Variants in EZH2 observed in about 807,000 individuals in gnomAD.
EZH2 encodes the protein histone-lysine N-methyltransferase EZH2.
Under a neutral mutation model 98.4 loss-of-function variants are expected in EZH2, and 18 were observed. That is an observed-to-expected ratio of 0.18 (90% CI 0.13 to 0.27). The LOEUF (loss-of-function observed/expected upper bound fraction) is 0.27. Ranked by LOEUF, EZH2 falls within the 10% of genes least tolerant of loss-of-function variation. The probability of loss-of-function intolerance (pLI) is 1.00; values close to 1 mark genes in which losing one functional copy is unlikely to be tolerated. For synonymous variants in EZH2, 338 were observed against 312.3 expected (o/e 1.08, Z -0.87); for missense variants, 470 against 935.1 (o/e 0.50, Z 6.49).
At chr7:148,853,482 G>A (rs1816233547) in intron 1 of EZH2, among the ~76,000 whole-genome samples, 2 of 152,226 alleles carry the variant, frequency 1.3e-5, no homozygotes, top group South Asian at 4.1e-4. Flanking sequence ...CTTACAATAG[G>A]GTTCACGCTT....
At chr7:148,877,717 G>A (rs185387991) in intron 1 of EZH2, among the ~76,000 whole-genome samples, 1 of 152,222 alleles carries the variant, frequency 6.6e-6, no homozygotes. Context: ...TTACCACTCT[G>A]GCTGAGAAAG....
At chr7:148,865,083 C>T (rs1292652789) in intron 1 of EZH2, among the ~76,000 whole-genome samples, 1 of 149,750 alleles carries the variant, frequency 6.7e-6, no homozygotes, top group East Asian at 2.0e-4. Flanking sequence ...GCTGAGATCG[C>T]GCCACTGCTC....
intron 3 of EZH2, among the ~76,000 whole-genome samples, chr7:148,844,147 A>G (rs1813334555): frequency 6.6e-6 from 1 of 152,222 alleles, no homozygotes; most frequent in Admixed American, 6.5e-5. Flanking sequence ...AACAAGAATC[A>G]CTTTTATTTT....
chr7:148,839,068 G>GGA (rs1251538510), intron 3 of EZH2, among the ~76,000 whole-genome samples: 27 of 130,620 alleles, frequency 2.1e-4, no homozygotes, highest in African/African-American at 8.5e-4. Flanking sequence ...AAGGAAGGAA[G>GGA]GAAGGAAGGA....
chr7:148,816,649 G>T, intron 12 of EZH2, 35 bp downstream of exon 12: 3 of 1,528,266 alleles, frequency 2.0e-6, no homozygotes, highest in Non-Finnish European at 1.8e-6. Context: ...GTCTATCTAT[G>T]TTGACTTCTC....
chr7:148,827,497 A>C (rs1585010878), intron 6 of EZH2, among the ~76,000 whole-genome samples: 4 of 152,160 alleles, frequency 2.6e-5, no homozygotes, highest in African/African-American at 4.8e-5. Flanking sequence ...GGAAGCAGAA[A>C]ACCTAGGTTC....
intron 1 of EZH2, among the ~76,000 whole-genome samples, chr7:148,858,031 G>A (rs1265100926): frequency 2.0e-5 from 3 of 149,698 alleles, no homozygotes; most frequent in African/African-American, 4.9e-5. Context: ...AGTGGCTCAC[G>A]CCTATAATCC....
chr7:148,873,477 G>A (rs1819709520), intron 1 of EZH2, among the ~76,000 whole-genome samples: 1 of 124,732 alleles, frequency 8.0e-6, no homozygotes, highest in Non-Finnish European at 1.6e-5. Context: ...GGGTGACAGA[G>A]TGAGACTCTG....
intron 8 of EZH2, 103 bp from the exon 9 acceptor site, chr7:148,819,790 C>T (rs1390181479): frequency 1.1e-5 from 11 of 1,002,612 alleles, no homozygotes; most frequent in Non-Finnish European, 1.5e-5. Flanking sequence ...TATAATCTTG[C>T]TAATATGTGG....
At chr7:148,872,924 A>C (rs1173658203) in intron 1 of EZH2, among the ~76,000 whole-genome samples, 2 of 152,094 alleles carry the variant, frequency 1.3e-5, no homozygotes, top group African/African-American at 4.8e-5. Flanking sequence ...GATAAAGATC[A>C]CTGGGATCTG....
At chr7:148,826,002 T>TC (rs763835181) in intron 8 of EZH2, among the ~76,000 whole-genome samples, 6 of 152,252 alleles carry the variant, frequency 3.9e-5, no homozygotes, top group Non-Finnish European at 8.8e-5. Context: ...GCAGGTATTT[T>TC]TAAAAAACAA....
chr7:148,838,531 C>G (rs1317376152), intron 3 of EZH2, among the ~76,000 whole-genome samples: 8 of 152,058 alleles, frequency 5.3e-5, no homozygotes, highest in Non-Finnish European at 1.0e-4. Context: ...AAGCAGGTAA[C>G]AAGAGTGATG....
In EZH2 at chr7:148,817,896, A is replaced by ATCTTTCTTCTCT; in HGVS notation, c.1209_1220dup (p.Glu403_Lys406dup). The ATCTTTCTTCTCT allele has an allele frequency of 6.2e-7, 1 of 1,614,198 alleles. No individual in the cohort carries two copies. The highest frequency in any genetic ancestry group is 1.1e-5 in the South Asian group (1 of 91,080). ...TCTTACCAGAGGAGCTCGAAGTTTC[A>ATCTTTCTTCTCT]TCTTTCTTCTCTTCTTCTTCTTTAT... is the stretch of plus-strand genomic sequence containing the variant. On this transcript the variant is annotated inframe_insertion, in exon 10 of 20. Coordinates refer to ENST00000320356, the MANE Select transcript of EZH2 (RefSeq NM_004456.5).
chr7:148,872,758 T>C (rs1331459133), intron 1 of EZH2, among the ~76,000 whole-genome samples: 1 of 152,224 alleles, frequency 6.6e-6, no homozygotes, highest in Non-Finnish European at 1.5e-5. Context: ...TGTTAAAGCA[T>C]TTCTCCGGTC....
intron 1 of EZH2, among the ~76,000 whole-genome samples, chr7:148,851,043 G>A (rs1197291501): frequency 6.6e-6 from 1 of 152,026 alleles, no homozygotes; most frequent in Non-Finnish European, 1.5e-5. Context: ...TTGGGGGTGG[G>A]GCGGCTATAG....
intron 1 of EZH2, among the ~76,000 whole-genome samples, chr7:148,866,665 C>CAT (rs1422592035): frequency 1.4e-5 from 2 of 144,656 alleles, no homozygotes; most frequent in Non-Finnish European, 3.0e-5. Flanking sequence ...TACGTATATG[C>CAT]ATATATATGT....
intron 1 of EZH2, among the ~76,000 whole-genome samples, chr7:148,849,936 C>T (rs1453565110): frequency 6.6e-6 from 1 of 152,188 alleles, no homozygotes; most frequent in Non-Finnish European, 1.5e-5. Context: ...AGACAAATTT[C>T]TCCTTGGAGG....
intron 1 of EZH2, among the ~76,000 whole-genome samples, chr7:148,857,195 A>G (rs193075505): frequency 1.3e-5 from 2 of 152,360 alleles, no homozygotes; most frequent in Admixed American, 6.5e-5. Context: ...TGACCAATAC[A>G]CTTTAAAACG....
At chr7:148,843,601 T>C (rs1271289911) in intron 3 of EZH2, among the ~76,000 whole-genome samples, 1 of 117,116 alleles carries the variant, frequency 8.5e-6, no homozygotes, top group Non-Finnish European at 1.8e-5. Context: ...TTTTTTTTTT[T>C]TTTTTTTTTT....
Sources: gnomAD v4.1 joint callset for allele counts (sites outside exome capture counted in the v4.1 genomes callset) on GRCh38, gnomAD v4.1.1 for gene constraint, MANE v1.5 for transcripts, NCBI Gene and HGNC (gene_info 2026-07-23, HGNC 2026-07-21) for gene names.